The following MRRF variants were observed in gnomAD, a reference collection of about 807,000 sequenced individuals.
MRRF encodes the protein mitochondrial ribosome recycling factor, also known as ribosome-recycling factor, mitochondrial.
A neutral mutation model predicts 25.1 loss-of-function variants in MRRF; 18 were observed. The ratio of observed to expected loss-of-function variants is 0.72; its 90% CI spans 0.50 to 1.06. MRRF has a LOEUF of 1.06. Among genes scored for constraint, MRRF ranks in the 50% least tolerant of loss-of-function variants. The probability of loss-of-function intolerance (pLI) is 0.00; values close to 1 mark genes in which losing one functional copy is unlikely to be tolerated. For synonymous variants in MRRF, 113 were observed against 112.1 expected (o/e 1.01, Z -0.05); for missense variants, 323 against 319.3 (o/e 1.01, Z -0.09).
At chr9:122,313,134 A>C in intron 5 of MRRF, 93 bp from the exon 6 acceptor site, 1 of 1,318,374 alleles carries the variant, frequency 7.6e-7, no homozygotes, top group Non-Finnish European at 1.1e-6. Flanking sequence ...GAAAGTTACA[A>C]ACTGCTGAAC....
chr9:122,290,959 T>C (rs1243227978), intron 4 of MRRF, among the ~76,000 whole-genome samples: 3 of 152,222 alleles, frequency 2.0e-5, no homozygotes, highest in Admixed American at 2.0e-4. Context: ...TTATGCATTC[T>C]TACCTTTATA....
chr9:122,316,383 C>T (rs1457748051), intron 6 of MRRF, among the ~76,000 whole-genome samples: 1 of 151,982 alleles, frequency 6.6e-6, no homozygotes, highest in Admixed American at 6.6e-5. Flanking sequence ...ACCATGTTTG[C>T]CAGGCTGGTC....
intron 5 of MRRF, among the ~76,000 whole-genome samples, chr9:122,303,844 A>T (rs893197242): frequency 6.6e-6 from 1 of 152,150 alleles, no homozygotes; most frequent in African/African-American, 2.4e-5. Flanking sequence ...CCATGTAATC[A>T]CATTTGCTCC....
chr9:122,325,342 A>G lies in MRRF; in HGVS notation c.*2725A>G, dbSNP rs1001946523. 9.9e-5 allele frequency: 15 copies of G among 152,180 alleles called. No individual in the cohort carries two copies. The highest frequency in any genetic ancestry group is 3.4e-4 in the African/African-American group (14 of 41,428). The allele number at this position is 152,180 out of a possible 1,614,324, so 9.4% of individuals were successfully genotyped here. On this transcript the variant is annotated 3_prime_UTR_variant, in exon 7 of 7. Coordinates refer to ENST00000344641, the MANE Select transcript of MRRF (RefSeq NM_138777.5). ...CAAATGGCTTTCAGATGATTACTCA[A>G]TTTCAGTTGACATTTATCAAAGAGT...
chr9:122,280,505 A>G lies in MRRF; in HGVS notation c.247A>G (p.Ile83Val). 6.2e-7 allele frequency: 1 copy of G among 1,614,016 alleles called. No homozygotes were observed. Among genetic ancestry groups the G allele is most frequent in the Non-Finnish European group, 8.5e-7 (1 of 1,179,848 alleles). Reference sequence around the variant, plus strand: ...TAATGCTGCCTTGGTTGAGGATATAATCAACTTGGAAGAGGTGAATGAAGA... The same window carrying G: ...TAATGCTGCCTTGGTTGAGGATATAGTCAACTTGGAAGAGGTGAATGAAGA... ...NINAALVEDI[I>V]NLEEVNEEMK... is the part of the protein sequence containing the mutation. The change falls in exon 3 of 7, where the codon ATC becomes GTC. Residue 83 changes from isoleucine (I) to valine (V), a missense_variant. Transcript: ENST00000344641.
At chr9:122,275,167 A>G (rs900308420) in intron 2 of MRRF, among the ~76,000 whole-genome samples, 2 of 151,662 alleles carry the variant, frequency 1.3e-5, no homozygotes, top group Admixed American at 6.6e-5. Flanking sequence ...CAATATTACT[A>G]ACTATAGTCC....
intron 5 of MRRF, 79 bp from the exon 6 acceptor site, chr9:122,313,148 T>C: frequency 4.9e-6 from 7 of 1,421,538 alleles, no homozygotes; most frequent in Non-Finnish European, 6.9e-6. Context: ...GCTGAACTGG[T>C]TGACAGAGTG....
chr9:122,285,758 T>C (rs1205342999), intron 4 of MRRF: 7 of 1,261,148 alleles, frequency 5.6e-6, no homozygotes, highest in Non-Finnish European at 7.2e-6. Flanking sequence ...TGTTGATGAC[T>C]AATTGAGTTT....
At chr9:122,267,768 G>T (rs1832204694) in intron 1 of MRRF, among the ~76,000 whole-genome samples, 1 of 152,214 alleles carries the variant, frequency 6.6e-6, no homozygotes, top group African/African-American at 2.4e-5. Flanking sequence ...GCTGAAATGA[G>T]TTCATGTGCA....
At chr9:122,313,493 C>T in intron 6 of MRRF, 107 bp downstream of exon 6, 1 of 1,233,650 alleles carries the variant, frequency 8.1e-7, no homozygotes, top group Non-Finnish European at 1.2e-6. Flanking sequence ...ATCTTTCATT[C>T]ACATTATCAC....
chr9:122,314,439 G>T (rs1441571860), intron 6 of MRRF, among the ~76,000 whole-genome samples: 2 of 152,152 alleles, frequency 1.3e-5, no homozygotes, highest in African/African-American at 2.4e-5. Flanking sequence ...TTGGTACAAG[G>T]AAATATATAT....
At chr9:122,294,849 A>G (rs1397759850) in intron 5 of MRRF, among the ~76,000 whole-genome samples, 1 of 152,346 alleles carries the variant, frequency 6.6e-6, no homozygotes, top group East Asian at 1.9e-4. Context: ...CTTAAACTAT[A>G]TAAACATAAG....
At chr9:122,284,381 G>A (rs1308525771) in intron 3 of MRRF, among the ~76,000 whole-genome samples, 1 of 152,168 alleles carries the variant, frequency 6.6e-6, no homozygotes, top group Non-Finnish European at 1.5e-5. Context: ...CATCTGTAAA[G>A]TGGGGGTAAT....
chr9:122,302,279 A>G (rs185572298), intron 5 of MRRF, among the ~76,000 whole-genome samples: 125 of 152,310 alleles, frequency 8.2e-4, no homozygotes, highest in African/African-American at 2.8e-3. Flanking sequence ...TATAACCACA[A>G]TCCATTTTAG....
chr9:122,281,847 G>A (rs140677094), intron 3 of MRRF, among the ~76,000 whole-genome samples: 291 of 152,298 alleles, frequency 1.9e-3, no homozygotes, highest in African/African-American at 6.6e-3. Flanking sequence ...AAAATGAGGG[G>A]CAGGAATGAG....
At chr9:122,275,251 C>G (rs1344944246) in intron 2 of MRRF, among the ~76,000 whole-genome samples, 1 of 152,120 alleles carries the variant, frequency 6.6e-6, no homozygotes, top group Non-Finnish European at 1.5e-5. Context: ...ATTTATATCT[C>G]TCCATTTCCT....
chr9:122,313,418 GT>G (rs767189158), intron 6 of MRRF, 32 bp downstream of exon 6: 1 of 1,608,458 alleles, frequency 6.2e-7, no homozygotes, highest in African/African-American at 1.3e-5. Context: ...TAGTGTCTGT[GT>G]ATTCAGCATA....
chr9:122,275,260 C>T (rs1273374954), intron 2 of MRRF, among the ~76,000 whole-genome samples: 3 of 152,160 alleles, frequency 2.0e-5, no homozygotes, highest in Admixed American at 2.0e-4. Flanking sequence ...TCTCCATTTC[C>T]TCACCACCAC....
intron 1 of MRRF, 32 bp from the exon 2 acceptor site, chr9:122,270,832 C>T: frequency 6.5e-7 from 1 of 1,548,268 alleles, no homozygotes; most frequent in Non-Finnish European, 8.9e-7. Context: ...AGATCTTTTA[C>T]TTAGATCTGC....
Sources: allele counts gnomAD v4.1 joint callset (sites outside exome capture counted in the v4.1 genomes callset), GRCh38; gene constraint gnomAD v4.1.1; transcripts MANE v1.5; gene names NCBI Gene and HGNC (gene_info 2026-07-23, HGNC 2026-07-21).